PRKAR1A: variants seen among roughly 807,000 people sequenced by gnomAD.
PRKAR1A encodes the protein cAMP-dependent protein kinase type I-alpha regulatory subunit.
Under a neutral mutation model 52.0 loss-of-function variants are expected in PRKAR1A, and 3 were observed. The observed-to-expected ratio is 0.06, with a 90% CI of 0.03 to 0.15. PRKAR1A has a LOEUF of 0.15. PRKAR1A is among the 10% of genes least tolerant of loss of function. The pLI is 1.00. For synonymous variants in PRKAR1A, 188 were observed against 168.4 expected, an observed-to-expected ratio of 1.12 and a Z score of -0.90; for missense variants, 240 against 477.4, an observed-to-expected ratio of 0.50 and a Z score of 4.63.
chr17:68,460,901 G>T, the PRKAR1A span, among the ~76,000 whole-genome samples: 1 of 152,190 alleles, frequency 6.6e-6, no homozygotes, highest in African/African-American at 2.4e-5. Context: ...CAAGGGCAAG[G>T]TTATAAATAA....
At chr17:68,486,494 C>T in the PRKAR1A span, among the ~76,000 whole-genome samples, 182 of 65,320 alleles carry the variant, frequency 2.8e-3, 1 homozygote, top group East Asian at 9.1e-3. Flanking sequence ...TCCTTCCTTC[C>T]TTCCTTCCTT....
chr17:68,545,673 G>A (rs1192775243), intron 11 of PRKAR1A, among the ~76,000 whole-genome samples: 2 of 152,180 alleles, frequency 1.3e-5, no homozygotes, highest in Non-Finnish European at 2.9e-5. Flanking sequence ...TCTGTAGCAC[G>A]CAATGCTGTT....
chr17:68,481,295 G>A, the PRKAR1A span, among the ~76,000 whole-genome samples: 1 of 152,170 alleles, frequency 6.6e-6, no homozygotes, highest in East Asian at 1.9e-4. Context: ...GATGATTCAA[G>A]CTCATTACAT....
intron 2 of PRKAR1A, among the ~76,000 whole-genome samples, chr17:68,522,193 C>T (rs966078865): frequency 6.6e-6 from 1 of 152,132 alleles, no homozygotes; most frequent in African/African-American, 2.4e-5. Context: ...GCTCAGGACC[C>T]TCTCCTATTT....
the PRKAR1A span, among the ~76,000 whole-genome samples, chr17:68,466,048 C>T: frequency 1.3e-5 from 2 of 152,120 alleles, no homozygotes; most frequent in Non-Finnish European, 2.9e-5. Context: ...GTCAGTGTAA[C>T]TTGGGTTTCC....
At chr17:68,536,498 A>G, downstream of PRKAR1A, 1 of 454,124 alleles carries the variant, frequency 2.2e-6, no homozygotes, top group Non-Finnish European at 4.4e-6. Context: ...CTTCAATAAA[A>G]AACCTGACTT....
downstream of PRKAR1A, chr17:68,535,261 A>C: frequency 2.2e-6 from 1 of 453,106 alleles, no homozygotes; most frequent in Non-Finnish European, 4.4e-6. Flanking sequence ...AAAGTAATGG[A>C]AGGTTGAAAG....
the PRKAR1A span, among the ~76,000 whole-genome samples, chr17:68,486,413 T>TTTCC: frequency 8.4e-6 from 1 of 119,748 alleles, no homozygotes; most frequent in Admixed American, 8.9e-5. Flanking sequence ...TCTTTCTTTC[T>TTTCC]TTCCTTCCTT....
the PRKAR1A span, among the ~76,000 whole-genome samples, chr17:68,473,822 A>G: frequency 2.0e-5 from 3 of 152,112 alleles, no homozygotes; most frequent in Non-Finnish European, 4.4e-5. Context: ...CATCTGGCCA[A>G]CCTATCTATT....
At chr17:68,507,178 T>A (rs1443753880), upstream of PRKAR1A, among the ~76,000 whole-genome samples, 1 of 152,244 alleles carries the variant, frequency 6.6e-6, no homozygotes, top group Admixed American at 6.5e-5. Flanking sequence ...AAGTTACTGA[T>A]CCTAGTCAAC....
chr17:68,420,118 G>T, the PRKAR1A span: 1 of 1,532,908 alleles, frequency 6.5e-7, no homozygotes, highest in Non-Finnish European at 8.9e-7. Context: ...AGAATCACTC[G>T]CAGCTCTCGT....
chr17:68,523,854 A>G, intron 4 of PRKAR1A, 38 bp downstream of exon 4: 1 of 1,602,986 alleles, frequency 6.2e-7, no homozygotes, highest in East Asian at 2.2e-5. Flanking sequence ...TTTTTCAAGT[A>G]AGGGTGTGAT....
chr17:68,548,765 C>T (rs2086691568), intron 11 of PRKAR1A, among the ~76,000 whole-genome samples: 1 of 141,608 alleles, frequency 7.1e-6, no homozygotes, highest in Non-Finnish European at 1.5e-5. Context: ...CAGAATCTCC[C>T]TCTGTCGCCT....
At chr17:68,465,067 A>G in the PRKAR1A span, among the ~76,000 whole-genome samples, 1 of 146,506 alleles carries the variant, frequency 6.8e-6, no homozygotes, top group Non-Finnish European at 1.5e-5. Flanking sequence ...CTGGGACTAC[A>G]GGCGCCCGCC....
chr17:68,435,780 C>A, the PRKAR1A span: 1 of 1,425,524 alleles, frequency 7.0e-7, no homozygotes, highest in South Asian at 1.2e-5. Flanking sequence ...ACCTCCCTCC[C>A]CTTCCTCTTT....
At chr17:68,529,870 C>T in intron 9 of PRKAR1A, 50 bp from the exon 10 acceptor site, 3 of 1,567,722 alleles carry the variant, frequency 1.9e-6, no homozygotes, top group Non-Finnish European at 2.6e-6. Context: ...AGGTGCCACC[C>T]TGGGTTTGAG....
the PRKAR1A span, among the ~76,000 whole-genome samples, chr17:68,452,084 T>C: frequency 6.6e-6 from 1 of 152,226 alleles, no homozygotes; most frequent in Non-Finnish European, 1.5e-5. Context: ...TATGATGGCA[T>C]AAACCATCAC....
chr17:68,416,138 T>A, the PRKAR1A span, among the ~76,000 whole-genome samples: 1 of 152,256 alleles, frequency 6.6e-6, no homozygotes, highest in Non-Finnish European at 1.5e-5. Context: ...GTGAGCTTTA[T>A]GCTTTAAAGA....
At chr17:68,500,996 G>T in the PRKAR1A span, among the ~76,000 whole-genome samples, 19,050 of 152,164 alleles carry the variant, frequency 0.13, 1,231 homozygotes, top group Middle Eastern at 0.16. Flanking sequence ...AAGTTCCAAA[G>T]GAACATTTAA....
Sources: gnomAD v4.1 joint callset for allele counts (sites outside exome capture counted in the v4.1 genomes callset) on GRCh38, gnomAD v4.1.1 for gene constraint, MANE v1.5 for transcripts, NCBI Gene and HGNC (gene_info 2026-07-23, HGNC 2026-07-21) for gene names.